The following GRIN2A variants were observed in gnomAD, a reference collection of about 807,000 sequenced individuals.
The protein encoded by GRIN2A is glutamate receptor ionotropic, NMDA 2A.
GRIN2A carries 22 observed loss-of-function variants against 113.4 expected under a neutral mutation model. That is an observed-to-expected ratio of 0.19 (90% CI 0.14 to 0.28). The LOEUF is 0.28. Among genes scored for constraint, GRIN2A ranks in the 10% least tolerant of loss-of-function variants. The pLI, the probability that GRIN2A is intolerant of heterozygous loss-of-function variation, is 1.00. For missense variants in GRIN2A, 1,502 were observed against 1,887.0 expected (o/e 0.80, Z 3.78); for synonymous variants, 827 against 738.4 (o/e 1.12, Z -1.94).
intron 2 of GRIN2A, among the ~76,000 whole-genome samples, chr16:10,089,790 C>G (rs976094102): frequency 2.6e-5 from 4 of 152,162 alleles, no homozygotes; most frequent in African/African-American, 9.7e-5. Flanking sequence ...GTTCCATCAT[C>G]TCTCAAAAAT....
intron 4 of GRIN2A, among the ~76,000 whole-genome samples, chr16:9,874,659 T>C (rs2043330571): frequency 6.6e-6 from 1 of 152,202 alleles, no homozygotes; most frequent in African/African-American, 2.4e-5. Flanking sequence ...AGACCTGAGC[T>C]AGAATCTAGA....
chr16:9,938,389 T>C lies in GRIN2A; in HGVS notation c.577A>G (p.Asn193Asp). The change falls in exon 3 of 13, where the codon AAC becomes GAC. Residue 193 changes from asparagine to aspartate, a missense_variant. Asn to Asp is a conservative substitution (Grantham distance 23, BLOSUM62 1). This residue lies in a region of GRIN2A where 334 missense variants were observed against 403.0 expected (regional missense o/e 0.83). Transcript: ENST00000330684. Reference sequence around the variant, plus strand: ...TGCATGTCCCAGCCCACAAAGCTGTTGTCCACTGTGGTCTTGACGAAGCTG... The same window carrying C: ...TGCATGTCCCAGCCCACAAAGCTGTCGTCCACTGTGGTCTTGACGAAGCTG... ...FISFVKTTVDNSFVGWDMQNV... is the reference protein window; with the variant it reads ...FISFVKTTVDDSFVGWDMQNV... 1 of 1,614,116 alleles carries C rather than the reference T, an allele frequency of 6.2e-7. No individual in the cohort carries two copies.
At chr16:9,949,508 A>T (rs1051357045) in intron 2 of GRIN2A, among the ~76,000 whole-genome samples, 2 of 151,192 alleles carry the variant, frequency 1.3e-5, no homozygotes, top group Non-Finnish European at 2.9e-5. Context: ...AGATGGATGG[A>T]TGACGGAAGA....
chr16:9,905,781 G>A (rs1303595058), intron 3 of GRIN2A, among the ~76,000 whole-genome samples: 1 of 152,066 alleles, frequency 6.6e-6, no homozygotes, highest in Non-Finnish European at 1.5e-5. Context: ...GTCCCATGGC[G>A]GATCAATTAG....
chr16:10,073,874 C>G (rs1324389300), intron 2 of GRIN2A, among the ~76,000 whole-genome samples: 3 of 146,470 alleles, frequency 2.0e-5, no homozygotes, highest in African/African-American at 7.6e-5. Flanking sequence ...GAGCTGAGAT[C>G]GTGCCACTGC....
chr16:10,016,790 C>T (rs1715238618), intron 2 of GRIN2A, among the ~76,000 whole-genome samples: 1 of 152,216 alleles, frequency 6.6e-6, no homozygotes, highest in Non-Finnish European at 1.5e-5. Context: ...CGCACAAGGG[C>T]ACCATCCCAC....
chr16:10,098,555 A>C (rs72774189), intron 2 of GRIN2A, among the ~76,000 whole-genome samples: 1 of 152,226 alleles, frequency 6.6e-6, no homozygotes, highest in Non-Finnish European at 1.5e-5. Context: ...AATCAGCCCA[A>C]ATGCCCATTA....
intron 3 of GRIN2A, among the ~76,000 whole-genome samples, chr16:9,929,019 G>A (rs1174473411): frequency 2.6e-5 from 4 of 152,222 alleles, no homozygotes; most frequent in Non-Finnish European, 4.4e-5. Context: ...TGGGAACAGA[G>A]TCTCCATGTG....
intron 10 of GRIN2A, among the ~76,000 whole-genome samples, chr16:9,805,307 G>A (rs1567310713): frequency 6.6e-6 from 1 of 152,246 alleles, no homozygotes; most frequent in East Asian, 1.9e-4. Context: ...CACATTTAAA[G>A]GCTAATTATA....
chr16:9,872,483 T>C (rs2043284135), intron 4 of GRIN2A, among the ~76,000 whole-genome samples: 1 of 152,232 alleles, frequency 6.6e-6, no homozygotes, highest in Non-Finnish European at 1.5e-5. Context: ...ATTTATAGTA[T>C]AACTTGACAG....
At chr16:10,121,184 C>T (rs995745812) in intron 2 of GRIN2A, 1 of 152,496 alleles carries the variant, frequency 6.6e-6, no homozygotes, top group African/African-American at 2.4e-5. Context: ...ACTCCTACCC[C>T]TGACTCCGAG....
At chr16:10,079,868 G>T (rs2047945743) in intron 2 of GRIN2A, among the ~76,000 whole-genome samples, 2 of 152,244 alleles carry the variant, frequency 1.3e-5, no homozygotes, top group Non-Finnish European at 2.9e-5. Flanking sequence ...ACGCAATGGT[G>T]TAATCAGTGT....
chr16:9,873,374 C>T (rs541093102), intron 4 of GRIN2A, among the ~76,000 whole-genome samples: 1 of 152,276 alleles, frequency 6.6e-6, no homozygotes, highest in South Asian at 2.1e-4. Context: ...CCAAATCTTG[C>T]TGTATTGATT....
chr16:10,007,848 AG>A (rs2046432199), intron 2 of GRIN2A, among the ~76,000 whole-genome samples: 2 of 152,356 alleles, frequency 1.3e-5, no homozygotes, highest in South Asian at 4.2e-4. Context: ...TGACATGGGC[AG>A]ATAAGAACAC....
chr16:10,160,769 G>T (rs1368862055), intron 2 of GRIN2A, among the ~76,000 whole-genome samples: 4 of 152,154 alleles, frequency 2.6e-5, no homozygotes, highest in African/African-American at 9.7e-5. Context: ...CGAACAGAAA[G>T]CTCACTGTTA....
chr16:9,844,373 G>A (rs2267793), intron 5 of GRIN2A, among the ~76,000 whole-genome samples: 22,063 of 152,176 alleles, frequency 0.14, 1,662 homozygotes, highest in South Asian at 0.23. Flanking sequence ...AAAAAGGCAC[G>A]CAGCAAAGGC....
intron 2 of GRIN2A, among the ~76,000 whole-genome samples, chr16:9,958,037 A>G (rs1488711593): frequency 6.6e-6 from 1 of 152,226 alleles, no homozygotes; most frequent in African/African-American, 2.4e-5. Context: ...AAACTGCTTT[A>G]GAATCACAGC....
At chr16:10,069,303 G>A (rs57523359) in intron 2 of GRIN2A, among the ~76,000 whole-genome samples, 5,694 of 152,242 alleles carry the variant, frequency 0.037, 395 homozygotes, top group African/African-American at 0.13. Context: ...ACTAGACTCT[G>A]GTGGGGATGA....
intron 2 of GRIN2A, among the ~76,000 whole-genome samples, chr16:10,080,928 C>T (rs1395881918): frequency 6.6e-6 from 1 of 152,108 alleles, no homozygotes; most frequent in Non-Finnish European, 1.5e-5. Context: ...AATGTTCTGC[C>T]CCAGTGAATA....
Sources: gnomAD v4.1 joint callset for allele counts (sites outside exome capture counted in the v4.1 genomes callset) on GRCh38, gnomAD v4.1.1 for gene constraint, gnomAD v4.1.1 regional missense constraint, MANE v1.5 for transcripts, NCBI Gene and HGNC (gene_info 2026-07-23, HGNC 2026-07-21) for gene names.